Variants in ZNF276 observed in about 807,000 individuals in gnomAD.
ZNF276 encodes centromere protein Z.
In ZNF276, 59 loss-of-function variants were observed where a neutral mutation model predicts 63.9. The observed-to-expected ratio is 0.92, with a 90% CI of 0.75 to 1.15. The LOEUF is 1.15. Ranked by LOEUF, ZNF276 falls within the 50% of genes most tolerant of loss-of-function variation. ZNF276 has a pLI of 0.00. For synonymous variants in ZNF276, 496 were observed against 348.4 expected (o/e 1.42, Z -4.72); for missense variants, 1,084 against 843.8 (o/e 1.28, Z -3.53).
chr16:89,734,436 C>T (rs1394853365), intron 9 of ZNF276, among the ~76,000 whole-genome samples: 7 of 152,192 alleles, frequency 4.6e-5, no homozygotes, highest in Non-Finnish European at 1.0e-4. Flanking sequence ...ATCAATTCTC[C>T]CGCCTCAGCC....
chr16:89,723,219 C>G, intron 3 of ZNF276, 36 bp downstream of exon 3: 1 of 1,613,122 alleles, frequency 6.2e-7, no homozygotes. Flanking sequence ...GGCTGGGTGC[C>G]GACCAGCCGT....
rs755882784 is a variant in ZNF276, at chr16:89,739,886, A to C, written c.*1640A>C. 3.2e-6 allele frequency: 5 copies of C among 1,564,206 alleles called. No individual in the cohort carries two copies. The African/African-American group carries it at 6.8e-5, about 21-fold the overall frequency. On this transcript the variant is annotated 3_prime_UTR_variant, in exon 11 of 11. Coordinates refer to ENST00000443381, the MANE Select transcript of ZNF276 (RefSeq NM_001113525.2). The stretch of plus-strand genomic sequence containing the variant: ...CTGTCCCAACTAAAATGGAGCTTAT[A>C]AACTTACTTAGCAAGGAACCTCAAG...
chr16:89,740,012 A>G lies in ZNF276; in HGVS notation c.*1766A>G. The G allele has an allele frequency of 1.2e-5, 20 of 1,614,176 alleles. No individual in the cohort carries two copies. Among genetic ancestry groups the G allele is most frequent in the Non-Finnish European group, 1.6e-5 (19 of 1,180,008 alleles). ...TTCTTACCACTCTCTGTCAACTGAA[A>G]GAGTGCCAGCCAGGATATCTTCCTC... On this transcript the variant is annotated 3_prime_UTR_variant, in exon 11 of 11. Transcript: ENST00000443381.
intron 4 of ZNF276, among the ~76,000 whole-genome samples, chr16:89,724,730 A>G (rs1236972818): frequency 6.6e-6 from 1 of 152,168 alleles, no homozygotes; most frequent in Non-Finnish European, 1.5e-5. Context: ...TCAGGTAGGA[A>G]CGGGATTGTG....
chr16:89,730,085 G>A (rs1002523071), intron 6 of ZNF276, among the ~76,000 whole-genome samples: 1 of 152,184 alleles, frequency 6.6e-6, no homozygotes, highest in African/African-American at 2.4e-5. Flanking sequence ...CAGACTGAGA[G>A]GTCAACGGCC....
chr16:89,733,811 G>C (rs2061757741), intron 8 of ZNF276, 110 bp from the exon 9 acceptor site: 1 of 1,031,220 alleles, frequency 9.7e-7, no homozygotes, highest in Non-Finnish European at 1.5e-6. Context: ...GGTGTCGCTG[G>C]AGGAGGAGTT....
rs1239690416 is a variant in ZNF276 at position 89,740,754 on chromosome 16, G to A, written c.*2508G>A. 4 of 1,539,556 alleles carry A rather than the reference G, an allele frequency of 2.6e-6. No individual in the cohort carries two copies. The highest frequency in any genetic ancestry group is 2.7e-5 in the African/African-American group (2 of 73,186). Reference sequence around the variant, plus strand: ...TGGAAGCTGGCTGCCTGGTGCCCCTGCCTGGCCCACAGTGGGAGAGGACAC... The same window carrying A: ...TGGAAGCTGGCTGCCTGGTGCCCCTACCTGGCCCACAGTGGGAGAGGACAC... On this transcript the variant is annotated 3_prime_UTR_variant, in exon 11 of 11. Coordinates refer to ENST00000443381, the MANE Select transcript of ZNF276 (RefSeq NM_001113525.2).
At chr16:89,735,571 C>T (rs962949997) in intron 9 of ZNF276, among the ~76,000 whole-genome samples, 18 of 152,076 alleles carry the variant, frequency 1.2e-4, no homozygotes, top group Non-Finnish European at 1.2e-4. Context: ...ACCAGCAGTT[C>T]CTTAAAAACC....
intron 4 of ZNF276, among the ~76,000 whole-genome samples, chr16:89,724,292 C>T (rs544378133): frequency 4.0e-4 from 61 of 152,334 alleles, no homozygotes; most frequent in African/African-American, 1.4e-3. Context: ...TTCCCTCCGG[C>T]CTCTTGTCCT....
At chr16:89,736,331 A>AT (rs754681240) in intron 9 of ZNF276, among the ~76,000 whole-genome samples, 21,910 of 134,896 alleles carry the variant, frequency 0.16, 1,832 homozygotes, top group Middle Eastern at 0.38. Flanking sequence ...CCAGCCCCCA[A>AT]TTTTTTTTTT....
Position 89,740,412 on chromosome 16 carries a change from G to A in ZNF276, c.*2166G>A, listed in dbSNP as rs542369003. 27 of 470,768 alleles carry A rather than the reference G, an allele frequency of 5.7e-5. No individual in the cohort carries two copies. The highest frequency in any genetic ancestry group is 1.6e-4 in the African/African-American group (8 of 51,458). The allele number at this position is 470,768 out of a possible 1,614,324, so 29.2% of individuals were successfully genotyped here. On this transcript the variant is annotated 3_prime_UTR_variant, in exon 11 of 11. Transcript: ENST00000443381. ...CCCAACACTTTGGGAGGCCGAGGTCGGCGGATCACTGAGGCCAGTTCAAGA... is the reference window on the plus strand; with the variant it reads ...CCCAACACTTTGGGAGGCCGAGGTCAGCGGATCACTGAGGCCAGTTCAAGA...
In ZNF276 at chr16:89,722,551, A is replaced by T. The variant is rs1390005592; in HGVS notation, c.226A>T (p.Met76Leu). The T allele has an allele frequency of 6.2e-7, 1 of 1,612,200 alleles. No homozygotes were observed. The highest frequency in any genetic ancestry group is 8.5e-7 in the Non-Finnish European group (1 of 1,179,806). Residue 76 changes from methionine (M) to leucine (L), a missense_variant, in exon 2 of 11, where the codon ATG becomes TTG. Met to Leu is a conservative substitution (Grantham distance 15). Coordinates refer to ENST00000443381, the MANE Select transcript of ZNF276 (RefSeq NM_001113525.2). The part of the protein sequence containing the change: ...DEAGAGRALA[M>L]GHCRLCHGKF... ...TGCAGGAGCAGGCCGGGCTCTCGCC[A>T]TGGGTCACTGTCGCCTCTGCCACGG...
chr16:89,733,720 A>G (rs2061752781), intron 8 of ZNF276, among the ~76,000 whole-genome samples, 163 bp downstream of exon 8: 1 of 152,086 alleles, frequency 6.6e-6, no homozygotes, highest in African/African-American at 2.4e-5. Context: ...CCTTGGGGGT[A>G]GATGTGAGGC....
Position 89,734,036 on chromosome 16 carries a change from C to A in ZNF276, c.1472C>A (p.Thr491Lys). ...YLQRHVKLIHTEVRNYICDEC... is the reference protein window; with the variant it reads ...YLQRHVKLIHKEVRNYICDEC... ...CAGCGCCACGTGAAGCTCATCCACACAGGTACGCCTATCGCCAGTGTCGCC... is the reference window on the plus strand; with the variant it reads ...CAGCGCCACGTGAAGCTCATCCACAAAGGTACGCCTATCGCCAGTGTCGCC... Residue 491 changes from threonine to lysine, a missense_variant and splice_region_variant, in exon 9 of 11, where the codon ACA (threonine) becomes AAA (lysine). Coordinates refer to ENST00000443381, the MANE Select transcript of ZNF276 (RefSeq NM_001113525.2). 6.2e-7 allele frequency: 1 copy of A among 1,613,872 alleles called. No homozygotes were observed.
intron 9 of ZNF276, among the ~76,000 whole-genome samples, chr16:89,734,885 G>A (rs1030593348): frequency 1.4e-4 from 22 of 152,164 alleles, no homozygotes; most frequent in African/African-American, 1.4e-4. Flanking sequence ...TTGGCCGGGC[G>A]TGGTGGCTCA....
intron 6 of ZNF276, among the ~76,000 whole-genome samples, chr16:89,730,036 G>A (rs949121646): frequency 6.6e-6 from 1 of 152,116 alleles, no homozygotes; most frequent in African/African-American, 2.4e-5. Context: ...AGGGCAGGTG[G>A]CTCTGAGCAC....
At chr16:89,733,449 G>C (rs759709822) in intron 7 of ZNF276, 33 bp from the exon 8 acceptor site, 1 of 1,614,160 alleles carries the variant, frequency 6.2e-7, no homozygotes, top group Non-Finnish European at 8.5e-7. Flanking sequence ...CTGCCTGTCG[G>C]GGCCGGGGCT....
chr16:89,733,573 G>A lies in ZNF276; in HGVS notation c.1356+16G>A, dbSNP rs762093066. On this transcript the variant is annotated intron_variant, in intron 8 of 10. Transcript: ENST00000443381. ...CGGCATGAAGGTGAGCACTGGCTGT[G>A]CCTGACCCAGGCCCGGCAGCTGTCA... 3.1e-6 allele frequency: 5 copies of A among 1,613,386 alleles called. No individual in the cohort carries two copies. Among genetic ancestry groups the A allele is most frequent in the African/African-American group, 1.3e-5 (1 of 75,058 alleles).
chr16:89,722,884 T>A, intron 2 of ZNF276, 50 bp downstream of exon 2: 1 of 1,573,606 alleles, frequency 6.4e-7, no homozygotes, highest in Non-Finnish European at 8.6e-7. Context: ...TACTGCAGTG[T>A]GACGGGTGTT....
Sources: allele counts gnomAD v4.1 joint callset (sites outside exome capture counted in the v4.1 genomes callset), GRCh38; gene constraint gnomAD v4.1.1; transcripts MANE v1.5; gene names NCBI Gene and HGNC (gene_info 2026-07-23, HGNC 2026-07-21).